TSC1: variants seen among roughly 807,000 people sequenced by gnomAD.
TSC1 encodes TSC complex subunit 1.
In TSC1, 20 loss-of-function variants were observed where a neutral mutation model predicts 124.3. The observed-to-expected ratio is 0.16, with a 90% CI of 0.11 to 0.23. The LOEUF (loss-of-function observed/expected upper bound fraction) is 0.23. Ranked by LOEUF, TSC1 falls within the 10% of genes least tolerant of loss-of-function variation. TSC1 has a pLI of 1.00. For missense variants in TSC1, 1,124 were observed against 1,448.5 expected (o/e 0.78, Z 3.64); for synonymous variants, 493 against 539.1 (o/e 0.91, Z 1.19).
chr9:132,918,498 C>T (rs554847978), intron 8 of TSC1, among the ~76,000 whole-genome samples: 1 of 152,274 alleles, frequency 6.6e-6, no homozygotes, highest in Admixed American at 6.5e-5. Context: ...TCACCAGAAA[C>T]CTGGATTATT....
intron 8 of TSC1, among the ~76,000 whole-genome samples, chr9:132,913,800 T>C (rs1324357783): frequency 1.9e-5 from 2 of 106,968 alleles, no homozygotes; most frequent in East Asian, 6.4e-4. Context: ...CACTCCAGCC[T>C]GGGCGATAGA....
intron 1 of TSC1, among the ~76,000 whole-genome samples, chr9:132,936,573 A>G (rs1847466662): frequency 6.6e-6 from 1 of 152,206 alleles, no homozygotes; most frequent in Non-Finnish European, 1.5e-5. Flanking sequence ...ACTTGTATTA[A>G]ATATCCATGC....
intron 13 of TSC1, 118 bp downstream of exon 13, chr9:132,907,183 G>C: frequency 1.2e-6 from 1 of 826,484 alleles, no homozygotes. Context: ...ATTATGTTTA[G>C]GCCTCAGTAT....
Position 132,906,963 on chromosome 9 carries a change from G to C in TSC1, c.1334-128C>G. ...TGCTGAACAGAGAAGGCTGGACATG[G>C]CTCTGTCCTGGGGATACTACAAAAG... On this transcript the variant is annotated intron_variant, in intron 13 of 22. Transcript: ENST00000298552. This position sits in a 1 kb window ranked among gnomAD's most constrained non-coding sequence, Gnocchi z 4.1. 1 of 791,112 alleles carries C rather than the reference G, an allele frequency of 1.3e-6. No homozygotes were observed. The highest frequency in any genetic ancestry group is 2.2e-6 in the Non-Finnish European group (1 of 464,186). The allele number at this position is 791,112 out of a possible 1,614,324, so 49.0% of individuals were successfully genotyped here. A position where few individuals can be genotyped will look rare whatever the true frequency, so the allele number is the denominator to read the frequency against.
In TSC1 at chr9:132,897,491, G is replaced by T; in HGVS notation, c.2745C>A (p.His915Gln). ...SQKRILELES[H>Q]LAKKDHLLLE... is the part of the protein sequence containing the mutation. ...AAAGAAGGTGGTCTTTCTTGGCCAG[G>T]TGAGATTCCAGTTCCAAAATCCGTT... The change falls in exon 21 of 23, where the codon CAC becomes CAA. Residue 915 changes from histidine to glutamine, a missense_variant. His to Gln is a conservative substitution (Grantham distance 24). Transcript: ENST00000298552. 6.2e-7 allele frequency: 1 copy of T among 1,614,054 alleles called. No homozygotes were observed. Among genetic ancestry groups the T allele is most frequent in the South Asian group, 1.1e-5 (1 of 91,080 alleles).
At position 132,901,586 on chromosome 9, in the gene TSC1, T is replaced by C. The variant is rs1349115830; in HGVS notation, c.2502+3A>G. On this transcript the variant is annotated splice_donor_region_variant and intron_variant, in intron 19 of 22. Coordinates refer to ENST00000298552, the MANE Select transcript of TSC1 (RefSeq NM_000368.5). ...GATTCAGGTCTGCCTCATTTCTTCT[T>C]ACCTTTTGGGAAACCTGACTGAGCA... The C allele has an allele frequency of 6.2e-7, 1 of 1,613,300 alleles. No homozygotes were observed. Among genetic ancestry groups the C allele is most frequent in the Non-Finnish European group, 8.5e-7 (1 of 1,179,606 alleles).
At position 132,893,378 on chromosome 9, in the gene TSC1, C is replaced by T. The variant is rs1051373672; in HGVS notation, c.*2857G>A. ...TTCATGACCACGTGTTTCTTCCAAT[C>T]CCATAATAACAATTTTTATAGACTG... On this transcript the variant is annotated 3_prime_UTR_variant, in exon 23 of 23. Transcript: ENST00000298552. 4 of 233,122 alleles carry T rather than the reference C, an allele frequency of 1.7e-5. No individual in the cohort carries two copies. Among genetic ancestry groups the T allele is most frequent in the Non-Finnish European group, 3.4e-5 (4 of 118,058 alleles). 14.4% of individuals were successfully genotyped at this position (233,122 alleles called of 1,614,324 possible).
In TSC1 at chr9:132,923,075, A is replaced by T. The variant is rs959437016; in HGVS notation, c.508+273T>A. Among the ~76,000 whole-genome samples, 1 of 152,172 alleles carries T rather than the reference A, an allele frequency of 6.6e-6. No individual in the cohort carries two copies. ...ACAGACGGAGGCTGTTTTTCAGTTT[A>T]TCAACAATCATAAAGTTTTACATCC... On this transcript the variant is annotated intron_variant, in intron 6 of 22. Transcript: ENST00000298552. The surrounding 1 kb of genome is among the most constrained non-coding windows in gnomAD (Gnocchi z 4.2).
At position 132,903,332 on chromosome 9, in the gene TSC1, G is replaced by A. The variant is rs944999661; in HGVS notation, c.2208+319C>T. Among the ~76,000 whole-genome samples the A allele has an allele frequency of 5.3e-5, 8 of 152,154 alleles. No homozygotes were observed. The highest frequency in any genetic ancestry group is 1.9e-4 in the African/African-American group (8 of 41,420). ...GCTTCACACCCGCTGTACAATACAC[G>A]CTTCAGTTTTGTGCCATGAAATAGC... On this transcript the variant is annotated intron_variant, in intron 17 of 22. Coordinates refer to ENST00000298552, the MANE Select transcript of TSC1 (RefSeq NM_000368.5). This position sits in a 1 kb window ranked among gnomAD's most constrained non-coding sequence, Gnocchi z 5.9.
chr9:132,920,660 T>A (rs1216306773), intron 8 of TSC1, among the ~76,000 whole-genome samples: 1 of 151,986 alleles, frequency 6.6e-6, no homozygotes, highest in African/African-American at 2.4e-5. Context: ...AGTGTCAGTA[T>A]CCATGGGTCA....
chr9:132,907,294 AT>A lies in TSC1; in HGVS notation c.1333+6del, dbSNP rs1060503212. The A allele has an allele frequency of 2.5e-6, 4 of 1,613,728 alleles. No homozygotes were observed. ...AAGCAAGGCCTGTAGTAACGCAGAA[AT>A]TTTACCTGATCCTCTGTCATTCAGA... On this transcript the variant is annotated splice_donor_region_variant and intron_variant, in intron 13 of 22. Coordinates refer to ENST00000298552, the MANE Select transcript of TSC1 (RefSeq NM_000368.5).
At chr9:132,912,840 G>A (rs7875422) in intron 8 of TSC1, 21,948 of 244,974 alleles carry the variant, frequency 0.09, 1,064 homozygotes, top group African/African-American at 0.11. Context: ...AGCTGAGGCT[G>A]ACTTAAGGTC....
Position 132,896,453 on chromosome 9 carries a change from G to A in TSC1, c.3277C>T (p.Arg1093Ter), listed in dbSNP as rs1431256375. 2 of 1,614,138 alleles carry A rather than the reference G, an allele frequency of 1.2e-6. No individual in the cohort carries two copies. Among genetic ancestry groups the A allele is most frequent in the East Asian group, 2.2e-5 (1 of 44,880 alleles). The change falls in exon 23 of 23, where the codon CGA becomes TGA. Residue 1093 changes from arginine to a stop codon, truncating the protein, a stop_gained. Coordinates refer to ENST00000298552, the MANE Select transcript of TSC1 (RefSeq NM_000368.5). LOFTEE classifies it high-confidence loss of function. The surrounding 1 kb of genome is among the most constrained non-coding windows in gnomAD (Gnocchi z 4.5). ...SSKSFLGMKA[R>*]ELFRNKSESQ... ...TCGCTCTTATTACGAAATAACTCTC[G>A]AGCCTTCATACCCAGGAAGCTTTTT...
At position 132,921,114 on chromosome 9, in the gene TSC1, G is replaced by A. The variant is rs559819082; in HGVS notation, c.737+249C>T. Among the ~76,000 whole-genome samples, 21 of 152,200 alleles carry A rather than the reference G, an allele frequency of 1.4e-4. No homozygotes were observed. In the East Asian group the frequency reaches 1.6e-3, roughly 11 times the overall value. On this transcript the variant is annotated intron_variant, in intron 8 of 22. Transcript: ENST00000298552. This position sits in a 1 kb window ranked among gnomAD's most constrained non-coding sequence, Gnocchi z 4.3. ...GCCCCATCACTGGCACTACTGAGGTGTAAGCCTTTCTGGGGGACAGGCACT... is the reference window on the plus strand; with the variant it reads ...GCCCCATCACTGGCACTACTGAGGTATAAGCCTTTCTGGGGGACAGGCACT...
In TSC1 at chr9:132,896,369, G is replaced by A. The variant is rs769478982; in HGVS notation, c.3361C>T (p.Leu1121=). Residue 1121 remains leucine, a synonymous_variant, in exon 23 of 23, where the codon CTG becomes TTG. Coordinates refer to ENST00000298552, the MANE Select transcript of TSC1 (RefSeq NM_000368.5). The surrounding 1 kb of genome is among the most constrained non-coding windows in gnomAD (Gnocchi z 4.5). The part of the protein sequence containing the change: ...SSLSESLKTE[L]GKDLGVEAKI... ...GCTTCCACACCCAAGTCTTTGCCCA[G>A]TTCTGTCTTTAGGCTCTCAGAAAGG... The A allele has an allele frequency of 6.2e-7, 1 of 1,614,222 alleles. No individual in the cohort carries two copies. The highest frequency in any genetic ancestry group is 1.7e-5 in the Admixed American group (1 of 60,032).
intron 1 of TSC1, among the ~76,000 whole-genome samples, chr9:132,940,028 GA>G (rs1347377155): frequency 1.3e-5 from 2 of 151,938 alleles, no homozygotes; most frequent in African/African-American, 2.4e-5. Context: ...GGTTCAAAAG[GA>G]AAAAAATATA....
chr9:132,931,686 C>T (rs1232485689), intron 2 of TSC1, among the ~76,000 whole-genome samples: 1 of 152,158 alleles, frequency 6.6e-6, no homozygotes, highest in African/African-American at 2.4e-5. Context: ...TGGAATCAGT[C>T]CCACAACTAG....
At chr9:132,899,301 C>T (rs546748891) in intron 20 of TSC1, 2 of 152,368 alleles carry the variant, frequency 1.3e-5, no homozygotes, top group African/African-American at 4.8e-5. Context: ...GTCTGCCTGT[C>T]ATATCTGTGC....
intron 1 of TSC1, among the ~76,000 whole-genome samples, chr9:132,937,303 C>T (rs567741067): frequency 2.0e-5 from 3 of 152,210 alleles, no homozygotes; most frequent in African/African-American, 4.8e-5. Context: ...ACTAGCCAGG[C>T]GTGGTGGCAC....
Sources: allele counts gnomAD v4.1 joint callset (sites outside exome capture counted in the v4.1 genomes callset), GRCh38; gene constraint gnomAD v4.1.1; non-coding constraint Gnocchi (gnomAD v3.1); transcripts MANE v1.5; gene names NCBI Gene and HGNC (gene_info 2026-07-23, HGNC 2026-07-21).